The following DPH6 variants were observed in gnomAD, a reference collection of about 807,000 sequenced individuals.
DPH6 encodes diphthamine biosynthesis 6, also known as diphthine--ammonia ligase.
Under a neutral mutation model 38.2 loss-of-function variants are expected in DPH6, and 33 were observed. The ratio of observed to expected loss-of-function variants is 0.86; its 90% CI spans 0.65 to 1.15. The LOEUF is 1.15. DPH6 is among the 50% of genes most tolerant of loss of function. DPH6 has a pLI of 0.00. For synonymous variants in DPH6, 108 were observed against 103.0 expected (o/e 1.05, Z -0.30); for missense variants, 325 against 320.0 (o/e 1.02, Z -0.12).
At chr15:35,383,481 C>T (rs193050253) in intron 6 of DPH6, among the ~76,000 whole-genome samples, 107 of 152,310 alleles carry the variant, frequency 7.0e-4, no homozygotes, top group African/African-American at 2.4e-3. Context: ...AACAAGATAA[C>T]GAGACAACCT....
chr15:35,394,438 C>T (rs970441063), intron 6 of DPH6, among the ~76,000 whole-genome samples: 1 of 152,150 alleles, frequency 6.6e-6, no homozygotes, highest in Non-Finnish European at 1.5e-5. Context: ...AATAATAGTA[C>T]TGATCTCATA....
chr15:35,328,517 C>T (rs913532215), downstream of DPH6, among the ~76,000 whole-genome samples: 1 of 151,810 alleles, frequency 6.6e-6, no homozygotes, highest in Non-Finnish European at 1.5e-5. Flanking sequence ...AAAAGTATTG[C>T]TAAATAATGT....
rs576009069 is a variant in DPH6, at chr15:35,401,347, G to A, written c.567+9488C>T. 232 of 759,864 alleles carry A rather than the reference G, an allele frequency of 3.1e-4. 4 individuals carry two copies. The Middle Eastern group carries it at 4.3e-3, about 14-fold the overall frequency. The allele number at this position is 759,864 out of a possible 1,614,324, so 47.1% of individuals were successfully genotyped here. On this transcript the variant is annotated intron_variant, in intron 6 of 8. Coordinates refer to ENST00000256538, the MANE Select transcript of DPH6 (RefSeq NM_080650.4). Reference sequence around the variant, plus strand: ...TCATGGTGGCTTTGGTGGCAGCTGTGGTGCTGATGGGTATGGCGGCAGTGG... The same window carrying A: ...TCATGGTGGCTTTGGTGGCAGCTGTAGTGCTGATGGGTATGGCGGCAGTGG...
chr15:35,388,808 A>AT (rs1382922866), intron 6 of DPH6, among the ~76,000 whole-genome samples: 2 of 152,038 alleles, frequency 1.3e-5, no homozygotes, highest in Admixed American at 6.6e-5. Context: ...GGATTCACTG[A>AT]TTTTTTGAAG....
intron 3 of DPH6, among the ~76,000 whole-genome samples, chr15:35,357,789 G>C (rs1465956196): frequency 6.6e-6 from 1 of 152,192 alleles, no homozygotes; most frequent in African/African-American, 2.4e-5. Flanking sequence ...TATGTTACCT[G>C]GTGCTTCTGT....
intron 3 of DPH6, among the ~76,000 whole-genome samples, chr15:35,346,451 A>G (rs1289518639): frequency 6.6e-6 from 1 of 152,104 alleles, no homozygotes; most frequent in African/African-American, 2.4e-5. Flanking sequence ...TGGCAGTACT[A>G]CCATCAGAAG....
At chr15:35,434,373 A>C (rs994564413) in intron 5 of DPH6, among the ~76,000 whole-genome samples, 1 of 152,234 alleles carries the variant, frequency 6.6e-6, no homozygotes, top group Admixed American at 6.5e-5. Context: ...TACTGCCAAA[A>C]CAACAGAGGG....
chr15:35,467,612 ACATGCATTAGC>A (rs2054143832), intron 3 of DPH6, among the ~76,000 whole-genome samples: 1 of 152,152 alleles, frequency 6.6e-6, no homozygotes, highest in Non-Finnish European at 1.5e-5. Flanking sequence ...AGACACAAGC[ACATGCATTAGC>A]CTAACAGTGT....
intron 3 of DPH6, among the ~76,000 whole-genome samples, chr15:35,310,895 C>CAA (rs532692414): frequency 2.3e-5 from 3 of 130,226 alleles, no homozygotes; most frequent in South Asian, 2.4e-4. Flanking sequence ...ACTAAAAATA[C>CAA]AAAAAAAAAA....
At chr15:35,253,269 A>T (rs575980572) in intron 3 of DPH6, among the ~76,000 whole-genome samples, 1 of 152,366 alleles carries the variant, frequency 6.6e-6, no homozygotes, top group Admixed American at 6.5e-5. Context: ...TGTGGAAAGC[A>T]TCATCAAGTG....
the DPH6 span, among the ~76,000 whole-genome samples, chr15:35,203,971 T>C: frequency 6.6e-6 from 1 of 151,738 alleles, no homozygotes; most frequent in Non-Finnish European, 1.5e-5. Context: ...GAGGCCTGTT[T>C]TCAATTAACA....
At chr15:35,508,530 T>C (rs934740232) in intron 3 of DPH6, among the ~76,000 whole-genome samples, 5 of 152,160 alleles carry the variant, frequency 3.3e-5, no homozygotes, top group Non-Finnish European at 7.3e-5. Context: ...TCTGGCAATT[T>C]CCATTTCACT....
At chr15:35,476,750 G>A (rs2054268901) in intron 3 of DPH6, among the ~76,000 whole-genome samples, 1 of 151,748 alleles carries the variant, frequency 6.6e-6, no homozygotes, top group South Asian at 2.1e-4. Context: ...AGTGACTTGA[G>A]ATTGAATTCC....
chr15:35,167,437 TAAA>T, the DPH6 span, among the ~76,000 whole-genome samples: 50 of 149,104 alleles, frequency 3.4e-4, no homozygotes, highest in African/African-American at 1.2e-3. Context: ...AACTTTCAAT[TAAA>T]AAAAAAATGA....
intron 3 of DPH6, among the ~76,000 whole-genome samples, chr15:35,498,528 C>T (rs1249282642): frequency 6.6e-6 from 1 of 152,096 alleles, no homozygotes; most frequent in Admixed American, 6.6e-5. Context: ...TTCCCCTCAC[C>T]CCATCCCACA....
downstream of DPH6, among the ~76,000 whole-genome samples, chr15:35,366,400 C>T (rs2052660963): frequency 6.6e-6 from 1 of 151,874 alleles, no homozygotes; most frequent in Non-Finnish European, 1.5e-5. Flanking sequence ...TCTCTTTCTA[C>T]CAAGACTAGT....
chr15:35,468,568 G>T (rs1269325542), intron 3 of DPH6, among the ~76,000 whole-genome samples: 1 of 152,102 alleles, frequency 6.6e-6, no homozygotes. Context: ...AATCTCTGGG[G>T]TGGGGGTCAA....
At position 35,450,781 on chromosome 15, in the gene DPH6, G is replaced by C. The variant is rs2053922661; in HGVS notation, c.409C>G (p.Pro137Ala). The stretch of plus-strand genomic sequence containing the variant: ...TTTCTCTGCCAAAGATAAGCTAAAG[G>C]CTGGAGATTAAGCCTTTTACACCTA... ...ENVCKRLNLQ[P>A]LAYLWQRNQE... The change falls in exon 5 of 9, where the codon CCT (proline) becomes GCT (alanine). Residue 137 changes from proline to alanine, a missense_variant. Coordinates refer to ENST00000256538, the MANE Select transcript of DPH6 (RefSeq NM_080650.4). 6.2e-7 allele frequency: 1 copy of C among 1,610,526 alleles called. No homozygotes were observed. Among genetic ancestry groups the C allele is most frequent in the Admixed American group, 1.7e-5 (1 of 59,518 alleles).
chr15:35,464,249 G>A (rs1421927123), intron 3 of DPH6, among the ~76,000 whole-genome samples: 10 of 151,192 alleles, frequency 6.6e-5, no homozygotes, highest in Non-Finnish European at 1.2e-4. Context: ...AGCCGAGATC[G>A]TGCTACAGTA....
Sources: gnomAD v4.1 joint callset for allele counts (sites outside exome capture counted in the v4.1 genomes callset) on GRCh38, gnomAD v4.1.1 for gene constraint, MANE v1.5 for transcripts, NCBI Gene and HGNC (gene_info 2026-07-23, HGNC 2026-07-21) for gene names.